Variants in TLE2 observed in about 807,000 individuals in gnomAD.
TLE2 encodes TLE family member 2, transcriptional corepressor.
A neutral mutation model predicts 97.2 loss-of-function variants in TLE2; 74 were observed. The ratio of observed to expected loss-of-function variants is 0.76; its 90% confidence interval spans 0.63 to 0.92. The LOEUF is 0.92. TLE2 is among the 40% of genes least tolerant of loss of function. TLE2 has a pLI of 0.00. For missense variants in TLE2, 1,038 were observed against 1,008.7 expected (o/e 1.03, Z -0.39); for synonymous variants, 499 against 432.1 (o/e 1.15, Z -1.92).
intron 1 of TLE2, among the ~76,000 whole-genome samples, chr19:3,036,435 G>A (rs1264658906): frequency 6.6e-6 from 1 of 152,104 alleles, no homozygotes; most frequent in African/African-American, 2.4e-5. Flanking sequence ...GATCCGACCC[G>A]GGCCGGGAAA....
rs1185357285 is a variant in TLE2 at position 3,009,526 on chromosome 19, C to T, written c.1173+16G>A. 6.4e-7 allele frequency: 1 copy of T among 1,574,252 alleles called. No individual in the cohort carries two copies. The highest frequency in any genetic ancestry group is 8.6e-7 in the Non-Finnish European group (1 of 1,160,962). Reference sequence around the variant, plus strand: ...GGCCCTGCTGACACCTCCTGCGCCCCCACCCAAGGACTCACCACGGGGGAG... The same window carrying T: ...GGCCCTGCTGACACCTCCTGCGCCCTCACCCAAGGACTCACCACGGGGGAG... On this transcript the variant is annotated intron_variant, in intron 13 of 19. Coordinates refer to ENST00000262953, the MANE Select transcript of TLE2 (RefSeq NM_003260.5).
chr19:3,009,516 T>C lies in TLE2; in HGVS notation c.1173+26A>G, dbSNP rs765230192. ...CCAGCCCCTGGGCCCTGCTGACACCTCCTGCGCCCCCACCCAAGGACTCAC... is the reference window on the plus strand; with the variant it reads ...CCAGCCCCTGGGCCCTGCTGACACCCCCTGCGCCCCCACCCAAGGACTCAC... On this transcript the variant is annotated intron_variant, in intron 13 of 19. Transcript: ENST00000262953. 1.9e-6 allele frequency: 3 copies of C among 1,566,660 alleles called. No homozygotes were observed. The African/African-American group carries it at 4.1e-5, about 21-fold the overall frequency.
At chr19:3,000,545 G>T in intron 19 of TLE2, 102 bp downstream of exon 19, 1 of 1,043,694 alleles carries the variant, frequency 9.6e-7, no homozygotes, top group Non-Finnish European at 1.4e-6. Flanking sequence ...TTAGGGTGGC[G>T]GGGGGACCTG....
intron 1 of TLE2, among the ~76,000 whole-genome samples, chr19:3,037,833 C>T (rs558059638): frequency 2.0e-5 from 3 of 152,242 alleles, no homozygotes; most frequent in African/African-American, 7.2e-5. Context: ...TACAATAATG[C>T]ATAGTAGGCC....
At chr19:3,000,572 G>T in intron 19 of TLE2, 75 bp downstream of exon 19, 1 of 1,361,914 alleles carries the variant, frequency 7.3e-7, no homozygotes, top group Non-Finnish European at 1.0e-6. Flanking sequence ...AGGGACAGGG[G>T]CAATCTCTCT....
At chr19:3,035,835 A>G (rs1279844171) in intron 1 of TLE2, among the ~76,000 whole-genome samples, 2 of 152,090 alleles carry the variant, frequency 1.3e-5, no homozygotes, top group African/African-American at 4.8e-5. Context: ...CCCCCTCCCT[A>G]GGAGAATCTG....
intron 14 of TLE2, among the ~76,000 whole-genome samples, chr19:3,007,456 C>A (rs1237909399): frequency 6.6e-6 from 1 of 152,084 alleles, no homozygotes; most frequent in Non-Finnish European, 1.5e-5. Flanking sequence ...TGCTATGTTG[C>A]CCAGGCTGGC....
chr19:3,041,690 A>AG (rs1477419526), intron 1 of TLE2, among the ~76,000 whole-genome samples: 1 of 152,174 alleles, frequency 6.6e-6, no homozygotes, highest in Non-Finnish European at 1.5e-5. Context: ...GAGCTCCACG[A>AG]GGGTCGAGAG....
upstream of TLE2, among the ~76,000 whole-genome samples, chr19:3,046,603 G>C (rs1329836821): frequency 1.3e-5 from 2 of 149,552 alleles, no homozygotes; most frequent in East Asian, 2.0e-4. Flanking sequence ...CTCCGCTAGA[G>C]TCCTGCCACC....
In TLE2 at chr19:3,019,668, C is replaced by A; in HGVS notation, c.369+31G>T. The stretch of plus-strand genomic sequence containing the variant: ...CAGGGACCTGGGAGTGGGCGTCTCC[C>A]CATGGCGGGGCAGGGGCTAGAGAGA... On this transcript the variant is annotated intron_variant, in intron 6 of 19. Coordinates refer to ENST00000262953, the MANE Select transcript of TLE2 (RefSeq NM_003260.5). This position sits in a 1 kb window ranked among gnomAD's most constrained non-coding sequence, Gnocchi z 5.1. The A allele has an allele frequency of 6.2e-7, 1 of 1,600,530 alleles. No individual in the cohort carries two copies. The highest frequency in any genetic ancestry group is 8.5e-7 in the Non-Finnish European group (1 of 1,173,906).
chr19:3,047,607 C>T (rs939074641), upstream of TLE2: 2 of 151,982 alleles, frequency 1.3e-5, no homozygotes, highest in African/African-American at 4.8e-5. Context: ...TGAGCCCTTG[C>T]AGAAGTTCTA....
chr19:3,000,829 T>TG (rs2089342020), intron 18 of TLE2, 106 bp from the exon 19 acceptor site: 1 of 728,570 alleles, frequency 1.4e-6, no homozygotes, highest in Non-Finnish European at 2.2e-6. Flanking sequence ...TCTCCCTTTT[T>TG]TTTTTTTTTT....
In TLE2 at chr19:3,017,801, C is replaced by G. The variant is rs367837954; in HGVS notation, c.570+39G>C. On this transcript the variant is annotated intron_variant, in intron 8 of 19. Transcript: ENST00000262953. ...CAGCTCAGAACCAGCGTTGGCCTCC[C>G]AAGAATATAAAAAGAGTCCCAGGGT... 3 of 1,604,034 alleles carry G rather than the reference C, an allele frequency of 1.9e-6. No homozygotes were observed. In the African/African-American group the frequency reaches 4.0e-5, roughly 22 times the overall value.
intron 15 of TLE2, 80 bp from the exon 16 acceptor site, chr19:3,006,048 C>T (rs762657075): frequency 3.3e-6 from 5 of 1,521,352 alleles, no homozygotes; most frequent in African/African-American, 1.4e-5. Flanking sequence ...GTGGGGGTCT[C>T]TGGAGCCCAA....
intron 19 of TLE2, among the ~76,000 whole-genome samples, chr19:2,999,579 TAGCC>T (rs1367576143): frequency 6.6e-6 from 1 of 151,308 alleles, no homozygotes; most frequent in African/African-American, 2.4e-5. Context: ...TACAAAAAAT[TAGCC>T]AGGTGTGGTG....
At chr19:3,002,645 C>T in intron 17 of TLE2, 142 bp from the exon 18 acceptor site, 1 of 969,204 alleles carries the variant, frequency 1.0e-6, no homozygotes, top group Non-Finnish European at 1.5e-6. Context: ...CTCAAGAGAT[C>T]CTCCTGCCTC....
At chr19:3,024,942 C>CG (rs2089914859) in intron 5 of TLE2, 78 bp downstream of exon 5, 32 of 1,267,870 alleles carry the variant, frequency 2.5e-5, no homozygotes, top group Non-Finnish European at 3.4e-5. Context: ...GTGCCTGGGG[C>CG]GTCCTCGCCC....
intron 1 of TLE2, among the ~76,000 whole-genome samples, chr19:3,036,396 G>A (rs1014618300): frequency 2.6e-5 from 4 of 151,950 alleles, no homozygotes; most frequent in Admixed American, 1.3e-4. Flanking sequence ...GCCGGCTCCC[G>A]GCCCGGCGCG....
At chr19:3,021,123 G>GGA (rs2089833524) in intron 5 of TLE2, among the ~76,000 whole-genome samples, 2 of 112,838 alleles carry the variant, frequency 1.8e-5, no homozygotes, top group Non-Finnish European at 3.7e-5. Flanking sequence ...AAGGGGGGGG[G>GGA]GTGCTGAGCG....
Sources: allele counts gnomAD v4.1 joint callset (sites outside exome capture counted in the v4.1 genomes callset), GRCh38; gene constraint gnomAD v4.1.1; non-coding constraint Gnocchi (gnomAD v3.1); transcripts MANE v1.5; gene names NCBI Gene and HGNC (gene_info 2026-07-23, HGNC 2026-07-21).